The following PTPRJ variants were observed in gnomAD, a reference collection of about 807,000 sequenced individuals.
PTPRJ encodes receptor-type tyrosine-protein phosphatase eta.
A neutral mutation model predicts 141.3 loss-of-function variants in PTPRJ; 129 were observed. The ratio of observed to expected loss-of-function variants is 0.91; its 90% CI spans 0.79 to 1.06. PTPRJ has a LOEUF of 1.06. Ranked by LOEUF, PTPRJ falls within the 50% of genes least tolerant of loss-of-function variation. PTPRJ has a pLI of 0.00. For synonymous variants in PTPRJ, 610 were observed against 640.5 expected (o/e 0.95, Z 0.72); for missense variants, 1,601 against 1,679.7 (o/e 0.95, Z 0.82).
chr11:48,091,031 C>T (rs1855856011), intron 1 of PTPRJ, among the ~76,000 whole-genome samples: 1 of 152,180 alleles, frequency 6.6e-6, no homozygotes, highest in South Asian at 2.1e-4. Context: ...CAGATGAGGG[C>T]ATTTACCTGT....
intron 1 of PTPRJ, among the ~76,000 whole-genome samples, chr11:47,990,524 G>A (rs1452403743): frequency 1.3e-5 from 2 of 152,070 alleles, no homozygotes; most frequent in African/African-American, 4.8e-5. Flanking sequence ...TGAGGTTCAA[G>A]TGATTCTTCT....
chr11:48,149,544 A>G (rs1197058941), intron 16 of PTPRJ, 56 bp downstream of exon 16: 2 of 1,149,322 alleles, frequency 1.7e-6, no homozygotes, highest in Non-Finnish European at 2.5e-6. Flanking sequence ...TTCGGTGACT[A>G]TCTATAAATA....
intron 1 of PTPRJ, among the ~76,000 whole-genome samples, chr11:48,018,769 A>C (rs1407719147): frequency 1.3e-5 from 2 of 152,108 alleles, no homozygotes; most frequent in Admixed American, 1.3e-4. Context: ...TTTGGATTTG[A>C]GTAAGTGACA....
chr11:48,054,117 G>A (rs1854688473), intron 1 of PTPRJ, among the ~76,000 whole-genome samples: 1 of 149,842 alleles, frequency 6.7e-6, no homozygotes, highest in African/African-American at 2.5e-5. Flanking sequence ...ATATTTAGTT[G>A]AGATGGGGGT....
intron 11 of PTPRJ, 68 bp downstream of exon 11, chr11:48,139,844 G>A: frequency 6.6e-7 from 1 of 1,509,392 alleles, no homozygotes. Flanking sequence ...ACCCACAGTG[G>A]GTCTGCACGT....
intron 1 of PTPRJ, among the ~76,000 whole-genome samples, chr11:48,026,209 G>T (rs1190322905): frequency 6.6e-6 from 1 of 152,144 alleles, no homozygotes; most frequent in Non-Finnish European, 1.5e-5. Context: ...TTTGGCTCAG[G>T]GCAACAGTCA....
chr11:48,119,309 C>T (rs1397948362), intron 3 of PTPRJ, among the ~76,000 whole-genome samples: 1 of 152,210 alleles, frequency 6.6e-6, no homozygotes, highest in Non-Finnish European at 1.5e-5. Context: ...TTGGAGGGGC[C>T]TTCTGGCATG....
intron 1 of PTPRJ, among the ~76,000 whole-genome samples, chr11:48,033,021 C>T (rs10838794): frequency 0.11 from 16,584 of 151,212 alleles, 1,291 homozygotes; most frequent in East Asian, 0.27. Flanking sequence ...AGTTCAAGAT[C>T]GGCTTGGGCA....
chr11:48,085,187 GA>G (rs1025141335), intron 1 of PTPRJ, among the ~76,000 whole-genome samples: 6 of 151,568 alleles, frequency 4.0e-5, no homozygotes, highest in African/African-American at 1.5e-4. Context: ...GCAAATATGA[GA>G]ATCCAGCTGT....
At chr11:48,039,775 T>C (rs1854227907) in intron 1 of PTPRJ, among the ~76,000 whole-genome samples, 1 of 151,244 alleles carries the variant, frequency 6.6e-6, no homozygotes, top group African/African-American at 2.5e-5. Context: ...GTCCCCCCAG[T>C]CTCCCTTTTG....
intron 7 of PTPRJ, among the ~76,000 whole-genome samples, chr11:48,128,849 C>T (rs1265415534): frequency 2.0e-5 from 3 of 152,176 alleles, no homozygotes; most frequent in East Asian, 3.9e-4. Context: ...AATGTCCATT[C>T]CTTCGCAGGA....
At chr11:48,079,553 G>T (rs1039803729) in intron 1 of PTPRJ, among the ~76,000 whole-genome samples, 4 of 152,076 alleles carry the variant, frequency 2.6e-5, no homozygotes, top group African/African-American at 9.7e-5. Context: ...GGACAAGACT[G>T]GGTAGTGAAG....
At chr11:47,988,214 A>G (rs891722360) in intron 1 of PTPRJ, among the ~76,000 whole-genome samples, 8 of 152,246 alleles carry the variant, frequency 5.3e-5, no homozygotes, top group African/African-American at 1.9e-4. Flanking sequence ...GGGGGGGAAA[A>G]GAAGAGATAC....
rs1461607987 is a variant in PTPRJ, at chr11:48,128,034, G to C, written c.1348G>C (p.Val450Leu). ...DIEGTPGFLQ[V>L]HTPPVPVSDF... ...CGAGGGCACGCCGGGCTTCCTCCAA[G>C]TGCACACCCGTGAGTTCATGCCTGG... Residue 450 changes from valine (V) to leucine (L), a missense_variant, in exon 7 of 25, where the codon GTG (valine) becomes CTG (leucine). Val to Leu is a conservative substitution (Grantham distance 32, BLOSUM62 1). Coordinates refer to ENST00000418331, the MANE Select transcript of PTPRJ (RefSeq NM_002843.4). 5.0e-6 allele frequency: 8 copies of C among 1,612,518 alleles called. No individual in the cohort carries two copies. Among genetic ancestry groups the C allele is most frequent in the South Asian group, 1.1e-5 (1 of 91,056 alleles).
intron 1 of PTPRJ, among the ~76,000 whole-genome samples, chr11:47,994,588 C>T (rs1172245929): frequency 6.6e-6 from 1 of 152,080 alleles, no homozygotes; most frequent in East Asian, 1.9e-4. Context: ...GTGGAGGTTG[C>T]TTGAGTCCTG....
intron 1 of PTPRJ, among the ~76,000 whole-genome samples, chr11:48,000,365 C>G (rs980151949): frequency 6.6e-6 from 1 of 151,142 alleles, no homozygotes; most frequent in Non-Finnish European, 1.5e-5. Flanking sequence ...CAGCTGGCCT[C>G]CAAGTCCTGG....
intron 1 of PTPRJ, among the ~76,000 whole-genome samples, chr11:48,042,618 AC>A (rs1356589546): frequency 2.0e-5 from 3 of 152,080 alleles, no homozygotes; most frequent in Non-Finnish European, 4.4e-5. Flanking sequence ...ACTCTTCTAA[AC>A]CAAAACAGTG....
chr11:48,033,413 C>T lies in PTPRJ; in HGVS notation c.96+52405C>T, dbSNP rs568565300. 1.5e-3 allele frequency among the ~76,000 whole-genome samples: 224 copies of T among 152,238 alleles called. 1 individual carries two copies. Among genetic ancestry groups the T allele is most frequent in the Non-Finnish European group, 1.4e-3 (98 of 68,018 alleles). On this transcript the variant is annotated intron_variant, in intron 1 of 24. Coordinates refer to ENST00000418331, the MANE Select transcript of PTPRJ (RefSeq NM_002843.4). ...CTGGAATTGTAAGTTTGAGAGAAAT[C>T]AGCTTTTTGAAGCTGTGGGACGGGG... is the stretch of plus-strand genomic sequence containing the variant.
intron 2 of PTPRJ, among the ~76,000 whole-genome samples, chr11:48,111,232 A>T (rs1856430300): frequency 6.8e-6 from 1 of 148,114 alleles, no homozygotes; most frequent in East Asian, 2.0e-4. Flanking sequence ...GTGAGCCGAG[A>T]TCACTCCATT....
Sources: allele counts gnomAD v4.1 joint callset (sites outside exome capture counted in the v4.1 genomes callset), GRCh38; gene constraint gnomAD v4.1.1; transcripts MANE v1.5; gene names NCBI Gene and HGNC (gene_info 2026-07-23, HGNC 2026-07-21).